USH2A: variants seen among roughly 807,000 people sequenced by gnomAD.
USH2A encodes Usher syndrome 2A (autosomal recessive, mild).
A neutral mutation model predicts 538.9 loss-of-function variants in USH2A; 443 were observed. The ratio of observed to expected loss-of-function variants is 0.82; its 90% confidence interval spans 0.76 to 0.89. The LOEUF is 0.89. USH2A is among the 40% of genes least tolerant of loss of function. The probability of loss-of-function intolerance (pLI) is 0.00; values close to 1 mark genes in which losing one functional copy is unlikely to be tolerated. For missense variants in USH2A, 6,633 were observed against 6,324.8 expected (o/e 1.05, Z -1.65); for synonymous variants, 2,413 against 2,273.5 (o/e 1.06, Z -1.75).
chr1:216,294,203 T>C (rs1168261317), intron 9 of USH2A, among the ~76,000 whole-genome samples: 1 of 152,144 alleles, frequency 6.6e-6, no homozygotes, highest in African/African-American at 2.4e-5. Context: ...ACAATTCAAC[T>C]GAACTGAGTT....
At chr1:216,293,413 T>G (rs188324596) in intron 9 of USH2A, among the ~76,000 whole-genome samples, 1 of 152,340 alleles carries the variant, frequency 6.6e-6, no homozygotes, top group South Asian at 2.1e-4. Flanking sequence ...TTTAGTGTTG[T>G]GAAGTACCTG....
chr1:216,210,029 G>A (rs977848790), intron 15 of USH2A, among the ~76,000 whole-genome samples: 1 of 152,106 alleles, frequency 6.6e-6, no homozygotes, highest in African/African-American at 2.4e-5. Flanking sequence ...TGTGGGTCAT[G>A]AGACCCTCAT....
chr1:215,639,017 T>A, intron 69 of USH2A, 138 bp downstream of exon 69: 11 of 787,642 alleles, frequency 1.4e-5, no homozygotes, highest in Non-Finnish European at 1.9e-5. Flanking sequence ...AAAAAAAAAC[T>A]CTGACAACAC....
chr1:215,705,942 C>A (rs2102693960), intron 61 of USH2A, among the ~76,000 whole-genome samples: 1 of 152,248 alleles, frequency 6.6e-6, no homozygotes, highest in South Asian at 2.1e-4. Context: ...GTTCCTTATG[C>A]CTCAAGAGTA....
chr1:216,319,274 G>T (rs939282455), intron 9 of USH2A, among the ~76,000 whole-genome samples: 2 of 152,092 alleles, frequency 1.3e-5, no homozygotes, highest in Non-Finnish European at 2.9e-5. Flanking sequence ...AATAAATGTT[G>T]CTTTAACTTT....
At chr1:216,020,029 A>G (rs997468794) in intron 32 of USH2A, among the ~76,000 whole-genome samples, 13 of 152,190 alleles carry the variant, frequency 8.5e-5, no homozygotes, top group African/African-American at 2.9e-4. Flanking sequence ...CTATCTTTGA[A>G]TCATTTCTGT....
At chr1:216,090,603 T>C (rs2032275342) in intron 22 of USH2A, among the ~76,000 whole-genome samples, 1 of 152,156 alleles carries the variant, frequency 6.6e-6, no homozygotes, top group East Asian at 1.9e-4. Context: ...CTGTTTTGTC[T>C]ACACACCCTT....
At chr1:216,104,870 C>A (rs1035694458) in intron 21 of USH2A, among the ~76,000 whole-genome samples, 3 of 152,168 alleles carry the variant, frequency 2.0e-5, no homozygotes, top group Non-Finnish European at 4.4e-5. Flanking sequence ...AAACTACCAT[C>A]AGAGTGAACA....
intron 47 of USH2A, among the ~76,000 whole-genome samples, chr1:215,833,587 A>G (rs1388093646): frequency 6.6e-6 from 1 of 152,056 alleles, no homozygotes; most frequent in Non-Finnish European, 1.5e-5. Context: ...AAACATACAA[A>G]TGTTCTAGGA....
At chr1:216,138,901 T>A (rs1423089907) in intron 21 of USH2A, among the ~76,000 whole-genome samples, 4 of 151,202 alleles carry the variant, frequency 2.6e-5, no homozygotes, top group East Asian at 1.9e-4. Flanking sequence ...TATATATTTT[T>A]AAATATGCAT....
At chr1:215,735,110 C>T (rs1234762294) in intron 60 of USH2A, among the ~76,000 whole-genome samples, 1 of 152,198 alleles carries the variant, frequency 6.6e-6, no homozygotes, top group Non-Finnish European at 1.5e-5. Flanking sequence ...ATTTTTCCGA[C>T]ATTTGGAAAA....
At chr1:216,205,912 A>T (rs2035102291) in intron 16 of USH2A, among the ~76,000 whole-genome samples, 1 of 152,194 alleles carries the variant, frequency 6.6e-6, no homozygotes, top group African/African-American at 2.4e-5. Flanking sequence ...TTTAAAGTCA[A>T]TGAATTCTAA....
chr1:215,838,574 C>T (rs1023164778), intron 46 of USH2A, among the ~76,000 whole-genome samples: 1 of 152,114 alleles, frequency 6.6e-6, no homozygotes. Context: ...CCTAGAGAAG[C>T]CTTCCAATAT....
At chr1:215,908,293 T>C (rs951558499) in intron 38 of USH2A, among the ~76,000 whole-genome samples, 3 of 151,994 alleles carry the variant, frequency 2.0e-5, no homozygotes, top group Admixed American at 6.6e-5. Context: ...AAGGTAATGA[T>C]AACATAAACC....
intron 37 of USH2A, among the ~76,000 whole-genome samples, chr1:215,942,561 A>C (rs1275478400): frequency 6.6e-6 from 1 of 152,214 alleles, no homozygotes; most frequent in African/African-American, 2.4e-5. Context: ...GTGGTACCAC[A>C]CAACTGTCTT....
At chr1:215,947,179 G>A (rs1666780878) in intron 37 of USH2A, among the ~76,000 whole-genome samples, 1 of 151,798 alleles carries the variant, frequency 6.6e-6, no homozygotes, top group African/African-American at 2.4e-5. Context: ...GTAGCTGAGA[G>A]ACTACAGGCA....
At chr1:216,321,011 C>A (rs1187681889) in intron 9 of USH2A, among the ~76,000 whole-genome samples, 6 of 152,010 alleles carry the variant, frequency 3.9e-5, no homozygotes, top group Non-Finnish European at 5.9e-5. Context: ...TAAAAGCCCT[C>A]AACTTAAGAT....
chr1:216,187,224 T>C (rs943221228), intron 20 of USH2A, among the ~76,000 whole-genome samples: 6 of 151,884 alleles, frequency 4.0e-5, no homozygotes, highest in African/African-American at 1.4e-4. Context: ...TTTTCACCTT[T>C]CTCACAGCCC....
At chr1:215,843,479 C>G (rs571079902) in intron 46 of USH2A, among the ~76,000 whole-genome samples, 1 of 152,132 alleles carries the variant, frequency 6.6e-6, no homozygotes, top group East Asian at 1.9e-4. Flanking sequence ...ACTTTTTCTA[C>G]TTTTAAGGCC....
Sources: allele counts gnomAD v4.1 joint callset (sites outside exome capture counted in the v4.1 genomes callset), GRCh38; gene constraint gnomAD v4.1.1; transcripts MANE v1.5; gene names NCBI Gene and HGNC (gene_info 2026-07-23, HGNC 2026-07-21).